Variants in NRG1 observed in about 807,000 individuals in gnomAD.
The protein encoded by NRG1 is pro-neuregulin-1, membrane-bound isoform.
A neutral mutation model predicts 63.8 loss-of-function variants in NRG1; 18 were observed. The ratio of observed to expected loss-of-function variants is 0.28; its 90% CI spans 0.19 to 0.42. The LOEUF (loss-of-function observed/expected upper bound fraction) is 0.42, where lower values mean the gene tolerates loss of function less well. Among genes scored for constraint, NRG1 ranks in the 10% least tolerant of loss-of-function variants. The pLI is 1.00. For missense variants in NRG1, 762 were observed against 814.7 expected, an observed-to-expected ratio of 0.94 and a Z score of 0.79; for synonymous variants, 302 against 301.3, an observed-to-expected ratio of 1.00 and a Z score of -0.02.
At chr8:32,451,940 C>A (rs1250004820) in intron 1 of NRG1, among the ~76,000 whole-genome samples, 1 of 152,074 alleles carries the variant, frequency 6.6e-6, no homozygotes, top group African/African-American at 2.4e-5. Context: ...ATTCTCCCAC[C>A]TCAGCCTCCC....
chr8:31,643,533 T>C (rs572045608), intron 1 of NRG1, among the ~76,000 whole-genome samples: 10 of 152,306 alleles, frequency 6.6e-5, no homozygotes, highest in African/African-American at 2.2e-4. Flanking sequence ...CTTTGAAAAA[T>C]GGACCTTTGG....
intron 5 of NRG1, among the ~76,000 whole-genome samples, chr8:32,712,069 CT>C (rs1275845550): frequency 6.6e-6 from 1 of 152,054 alleles, no homozygotes; most frequent in African/African-American, 2.4e-5. Flanking sequence ...TACTTTTCTC[CT>C]TGAGCCAATA....
intron 1 of NRG1, among the ~76,000 whole-genome samples, chr8:31,708,303 C>G (rs1353219179): frequency 6.6e-6 from 1 of 152,122 alleles, no homozygotes; most frequent in Non-Finnish European, 1.5e-5. Flanking sequence ...CCAGCCTCAA[C>G]TATGTAAAGG....
chr8:32,669,975 T>C (rs893734377), intron 5 of NRG1, among the ~76,000 whole-genome samples: 1 of 152,212 alleles, frequency 6.6e-6, no homozygotes, highest in African/African-American at 2.4e-5. Context: ...ACCAAACTGA[T>C]GTCTAGATGA....
intron 1 of NRG1, among the ~76,000 whole-genome samples, chr8:32,244,565 A>C (rs537796843): frequency 6.6e-6 from 1 of 152,304 alleles, no homozygotes; most frequent in African/African-American, 2.4e-5. Context: ...GGGGAACAAA[A>C]AGTTTAAGGG....
chr8:31,774,306 T>G (rs1818908275), intron 1 of NRG1, among the ~76,000 whole-genome samples: 1 of 152,164 alleles, frequency 6.6e-6, no homozygotes. Context: ...TTCCTTATTC[T>G]CTATCCCTTA....
At chr8:32,537,994 AGCACGC>A in intron 1 of NRG1, among the ~76,000 whole-genome samples, 1 of 151,968 alleles carries the variant, frequency 6.6e-6, no homozygotes, top group Non-Finnish European at 1.5e-5. Flanking sequence ...TGGGATAACA[AGCACGC>A]GCCACCATGA....
chr8:32,734,508 G>A (rs1256618208), intron 6 of NRG1, among the ~76,000 whole-genome samples: 1 of 152,190 alleles, frequency 6.6e-6, no homozygotes, highest in African/African-American at 2.4e-5. Context: ...TAGAATCAGT[G>A]TTACACTTGC....
intron 1 of NRG1, chr8:32,061,548 T>C (rs768495563): frequency 2.6e-5 from 4 of 152,164 alleles, no homozygotes; most frequent in African/African-American, 4.8e-5. Flanking sequence ...TGGTTGGTTA[T>C]GTGCAATGTT....
At chr8:31,683,563 G>C (rs1440165371) in intron 1 of NRG1, among the ~76,000 whole-genome samples, 2 of 152,166 alleles carry the variant, frequency 1.3e-5, no homozygotes, top group Non-Finnish European at 2.9e-5. Context: ...AGTAGGCAGA[G>C]CATGTAGGAT....
chr8:31,975,761 TAG>T (rs1586196798), intron 1 of NRG1, among the ~76,000 whole-genome samples: 2 of 152,172 alleles, frequency 1.3e-5, no homozygotes, highest in African/African-American at 2.4e-5. Context: ...TGTGTCCCTG[TAG>T]TTAACAATTT....
intron 1 of NRG1, among the ~76,000 whole-genome samples, chr8:32,136,480 T>A (rs1005088902): frequency 2.0e-5 from 3 of 152,168 alleles, no homozygotes; most frequent in Non-Finnish European, 4.4e-5. Context: ...GGCTAAAATC[T>A]CAGATCCTTC....
At chr8:32,437,618 A>G (rs1818953259) in intron 1 of NRG1, among the ~76,000 whole-genome samples, 1 of 152,184 alleles carries the variant, frequency 6.6e-6, no homozygotes, top group African/African-American at 2.4e-5. Flanking sequence ...AGTGGAAGGA[A>G]GAGCTTGCAA....
At chr8:31,815,598 G>C (rs979253647) in intron 1 of NRG1, among the ~76,000 whole-genome samples, 4 of 151,918 alleles carry the variant, frequency 2.6e-5, no homozygotes, top group African/African-American at 9.7e-5. Flanking sequence ...GGTTCTTATG[G>C]GTATATACCC....
At chr8:31,702,453 T>C (rs1213067378) in intron 1 of NRG1, among the ~76,000 whole-genome samples, 1 of 135,674 alleles carries the variant, frequency 7.4e-6, no homozygotes, top group African/African-American at 2.6e-5. Context: ...CCCATAACAT[T>C]TTTTTTTTTT....
intron 1 of NRG1, among the ~76,000 whole-genome samples, chr8:31,889,450 G>C (rs868784679): frequency 6.6e-6 from 1 of 152,156 alleles, no homozygotes; most frequent in Non-Finnish European, 1.5e-5. Context: ...AGAACAAAGA[G>C]AATACATTTC....
At chr8:32,694,540 G>A (rs1199041670) in intron 5 of NRG1, among the ~76,000 whole-genome samples, 5 of 152,140 alleles carry the variant, frequency 3.3e-5, no homozygotes, top group African/African-American at 4.8e-5. Context: ...TAATAATAAA[G>A]TCTGAGCTCT....
At chr8:31,891,433 T>C (rs947229601) in intron 1 of NRG1, among the ~76,000 whole-genome samples, 1 of 152,150 alleles carries the variant, frequency 6.6e-6, no homozygotes, top group African/African-American at 2.4e-5. Flanking sequence ...AAAACTACAA[T>C]GAGGTATCAC....
chr8:31,868,560 A>G (rs938657386), intron 1 of NRG1, among the ~76,000 whole-genome samples: 11 of 152,232 alleles, frequency 7.2e-5, no homozygotes, highest in South Asian at 2.1e-4. Context: ...ACATATAATC[A>G]GTCCAGCCTG....
Sources: allele counts gnomAD v4.1 joint callset (sites outside exome capture counted in the v4.1 genomes callset), GRCh38; gene constraint gnomAD v4.1.1; transcripts MANE v1.5; gene names NCBI Gene and HGNC (gene_info 2026-07-23, HGNC 2026-07-21).